Variants in MEI4 observed in about 807,000 individuals in gnomAD.
MEI4 encodes meiotic double-stranded break formation protein 4, also known as meiosis-specific protein MEI4.
MEI4 carries 27 observed loss-of-function variants against 31.4 expected under a neutral mutation model. The observed-to-expected ratio is 0.86, with a 90% CI of 0.63 to 1.19. The LOEUF (loss-of-function observed/expected upper bound fraction) is 1.19, where lower values mean the gene tolerates loss of function less well. MEI4 is among the 50% of genes most tolerant of loss of function. The pLI is 0.00. For synonymous variants in MEI4, 122 were observed against 145.4 expected (o/e 0.84, Z 1.16); for missense variants, 329 against 398.9 (o/e 0.82, Z 1.49).
Position 77,923,418 on chromosome 6 carries a change from G to T in MEI4, c.*72G>T. ...ATATATGAAAATCTCATACTGAAAAGATTTTCAATAGTATTTTAATTAGCA... is the reference window on the plus strand; with the variant it reads ...ATATATGAAAATCTCATACTGAAAATATTTTCAATAGTATTTTAATTAGCA... On this transcript the variant is annotated 3_prime_UTR_variant, in exon 5 of 5. Coordinates refer to ENST00000684080, the MANE Select transcript of MEI4 (RefSeq NM_001322247.2). The T allele has an allele frequency of 9.1e-7, 1 of 1,103,054 alleles. No homozygotes were observed. Among genetic ancestry groups the T allele is most frequent in the Non-Finnish European group, 1.1e-6 (1 of 872,206 alleles). The allele number at this position is 1,103,054 out of a possible 1,614,324, so 68.3% of individuals were successfully genotyped here.
chr6:77,897,742 TAATA>T (rs1766113818), intron 4 of MEI4, among the ~76,000 whole-genome samples: 1 of 151,934 alleles, frequency 6.6e-6, no homozygotes, highest in Non-Finnish European at 1.5e-5. Flanking sequence ...CAAAATGGAT[TAATA>T]CTTACTGAGT....
intron 2 of MEI4, among the ~76,000 whole-genome samples, chr6:77,707,037 G>A (rs1766347689): frequency 6.6e-6 from 1 of 151,824 alleles, no homozygotes; most frequent in African/African-American, 2.4e-5. Context: ...ATGTGGTTTT[G>A]AAAGTGGGCA....
chr6:77,698,636 C>A (rs1483837670), intron 2 of MEI4, among the ~76,000 whole-genome samples: 1 of 152,172 alleles, frequency 6.6e-6, no homozygotes, highest in Non-Finnish European at 1.5e-5. Flanking sequence ...CTGAGAGATC[C>A]ACTGGTAGTC....
intron 3 of MEI4, among the ~76,000 whole-genome samples, chr6:77,787,858 C>T (rs6901105): frequency 0.16 from 24,051 of 151,996 alleles, 2,295 homozygotes; most frequent in East Asian, 0.4. Flanking sequence ...GAAATAGAAA[C>T]CACTTGATCA....
At chr6:77,802,967 G>C (rs183831744) in intron 3 of MEI4, among the ~76,000 whole-genome samples, 1 of 151,946 alleles carries the variant, frequency 6.6e-6, no homozygotes, top group East Asian at 1.9e-4. Context: ...TGCTCTTCTC[G>C]AGGAGTATCT....
At chr6:77,868,790 C>A (rs61457020) in intron 4 of MEI4, among the ~76,000 whole-genome samples, 1 of 151,894 alleles carries the variant, frequency 6.6e-6, no homozygotes, top group Non-Finnish European at 1.5e-5. Context: ...ATCTAATCTA[C>A]CTATAGAGTA....
At chr6:77,685,312 C>CT (rs56264627) in intron 1 of MEI4, among the ~76,000 whole-genome samples, 7,143 of 128,174 alleles carry the variant, frequency 0.056, 214 homozygotes, top group East Asian at 0.11. Context: ...TGTCCCTTCA[C>CT]TTTTTTTTTT....
chr6:77,802,371 T>C (rs946368663), intron 3 of MEI4, among the ~76,000 whole-genome samples: 1 of 152,200 alleles, frequency 6.6e-6, no homozygotes, highest in Non-Finnish European at 1.5e-5. Context: ...TGTCTCTGCA[T>C]GTGAGATGGG....
chr6:77,840,877 C>A (rs1770340342), intron 4 of MEI4, among the ~76,000 whole-genome samples: 1 of 152,116 alleles, frequency 6.6e-6, no homozygotes, highest in Non-Finnish European at 1.5e-5. Context: ...CATCAAGTTG[C>A]TAAAAGCAAT....
At chr6:77,908,526 T>G (rs928238839) in intron 4 of MEI4, among the ~76,000 whole-genome samples, 4 of 152,140 alleles carry the variant, frequency 2.6e-5, no homozygotes, top group Non-Finnish European at 5.9e-5. Context: ...TTCGTACCAG[T>G]ATCATGCTGT....
chr6:77,705,169 TC>T (rs1413868632), intron 2 of MEI4, among the ~76,000 whole-genome samples: 3 of 151,942 alleles, frequency 2.0e-5, no homozygotes, highest in Non-Finnish European at 4.4e-5. Flanking sequence ...GAGAACTCTC[TC>T]CCTTCTCCCC....
intron 4 of MEI4, among the ~76,000 whole-genome samples, chr6:77,861,895 T>C (rs962631894): frequency 6.6e-6 from 1 of 152,164 alleles, no homozygotes; most frequent in African/African-American, 2.4e-5. Context: ...TTTCTGATGA[T>C]CTTTTTTTAT....
At chr6:77,665,106 G>C (rs1335287493) in intron 1 of MEI4, among the ~76,000 whole-genome samples, 1 of 151,914 alleles carries the variant, frequency 6.6e-6, no homozygotes, top group East Asian at 1.9e-4. Flanking sequence ...TGGGAAAAGG[G>C]GTTGGGGCGC....
intron 1 of MEI4, among the ~76,000 whole-genome samples, chr6:77,678,715 A>G (rs1471639899): frequency 3.6e-5 from 5 of 138,012 alleles, no homozygotes; most frequent in African/African-American, 6.3e-5. Flanking sequence ...CACTCTTTCT[A>G]CTTATTAAAA....
intron 4 of MEI4, among the ~76,000 whole-genome samples, chr6:77,902,346 G>A (rs1349209419): frequency 6.6e-6 from 1 of 151,946 alleles, no homozygotes; most frequent in Admixed American, 6.6e-5. Context: ...TGAACCACAG[G>A]CATCTTTCTG....
At chr6:77,906,182 AT>A (rs1345557200) in intron 4 of MEI4, among the ~76,000 whole-genome samples, 3 of 151,922 alleles carry the variant, frequency 2.0e-5, no homozygotes, top group African/African-American at 7.2e-5. Flanking sequence ...GCACATCTCC[AT>A]TTCTTTGGGG....
intron 3 of MEI4, among the ~76,000 whole-genome samples, chr6:77,796,974 A>G (rs1016822599): frequency 3.3e-5 from 5 of 152,204 alleles, no homozygotes; most frequent in Non-Finnish European, 5.9e-5. Flanking sequence ...ACAGGGTGAT[A>G]CTGGCATAAA....
chr6:77,797,632 G>T (rs968077767), intron 3 of MEI4, among the ~76,000 whole-genome samples: 1 of 152,124 alleles, frequency 6.6e-6, no homozygotes, highest in Non-Finnish European at 1.5e-5. Context: ...AAAGGTTGAA[G>T]AACTTGGAGT....
At chr6:77,726,448 G>A (rs536526357) in intron 2 of MEI4, among the ~76,000 whole-genome samples, 2 of 152,150 alleles carry the variant, frequency 1.3e-5, no homozygotes, top group Non-Finnish European at 2.9e-5. Context: ...CTGCGGGCAT[G>A]TGGTTAGGGA....
Sources: gnomAD v4.1 joint callset for allele counts (sites outside exome capture counted in the v4.1 genomes callset) on GRCh38, gnomAD v4.1.1 for gene constraint, MANE v1.5 for transcripts, NCBI Gene and HGNC (gene_info 2026-07-23, HGNC 2026-07-21) for gene names.